Variants in SH3KBP1 observed in about 807,000 individuals in gnomAD.
The protein encoded by SH3KBP1 is SH3 domain containing kinase binding protein 1.
Under a neutral mutation model 50.1 loss-of-function variants are expected in SH3KBP1, and 8 were observed. The observed-to-expected ratio is 0.16, with a 90% CI of 0.09 to 0.29. The LOEUF (loss-of-function observed/expected upper bound fraction) is 0.29, where lower values mean the gene tolerates loss of function less well. Among genes scored for constraint, SH3KBP1 ranks in the 10% least tolerant of loss-of-function variants. The pLI, the probability that SH3KBP1 is intolerant of heterozygous loss-of-function variation, is 1.00. For missense variants in SH3KBP1, 377 were observed against 535.2 expected, an observed-to-expected ratio of 0.70 and a Z score of 2.92; for synonymous variants, 227 against 218.6, an observed-to-expected ratio of 1.04 and a Z score of -0.34.
chrX:19,760,009 G>GTC (rs1210555924), intron 2 of SH3KBP1, among the ~76,000 whole-genome samples: 2 of 55,456 alleles, frequency 3.6e-5, no homozygotes, highest in Non-Finnish European at 6.8e-5. Flanking sequence ...ATCAGTCTCG[G>GTC]TCTCTCTCTC....
chrX:19,773,484 CACACACACAA>C (rs1209113442), intron 2 of SH3KBP1, among the ~76,000 whole-genome samples: 2 of 95,028 alleles, frequency 2.1e-5, no homozygotes, highest in East Asian at 3.0e-4. Flanking sequence ...CTCTCTCTCT[CACACACACAA>C]ACACACACAC....
intron 1 of SH3KBP1, among the ~76,000 whole-genome samples, chrX:19,872,153 G>T (rs2069060426): frequency 9.5e-6 from 1 of 105,520 alleles, no homozygotes; most frequent in African/African-American, 3.5e-5. Context: ...TTAGGAGGCT[G>T]AGGCGGGAGA....
intron 2 of SH3KBP1, among the ~76,000 whole-genome samples, chrX:19,825,381 G>A (rs1310687537): frequency 8.9e-6 from 1 of 111,740 alleles, no homozygotes; most frequent in African/African-American, 3.3e-5. Flanking sequence ...CAATAATGGT[G>A]AGGAGCACAG....
chrX:19,737,083 T>C (rs2064607609), intron 3 of SH3KBP1, among the ~76,000 whole-genome samples: 1 of 110,094 alleles, frequency 9.1e-6, no homozygotes, highest in African/African-American at 3.3e-5. Flanking sequence ...ATTTTTGTAT[T>C]TTTTATAGAG....
intron 8 of SH3KBP1, among the ~76,000 whole-genome samples, chrX:19,623,736 C>T (rs1238919941): frequency 1.8e-5 from 2 of 111,957 alleles, no homozygotes; most frequent in Non-Finnish European, 3.8e-5. Flanking sequence ...TCTCAGAAAC[C>T]GTGTATTTTA....
chrX:19,825,005 A>C (rs1249159333), intron 2 of SH3KBP1, among the ~76,000 whole-genome samples: 2 of 112,336 alleles, frequency 1.8e-5, no homozygotes, highest in Non-Finnish European at 3.7e-5. Flanking sequence ...TAAAGTTTCA[A>C]GAATAATTTG....
chrX:19,815,299 G>A lies in SH3KBP1; in HGVS notation c.162+20826C>T, dbSNP rs1042061127. 1.1e-4 allele frequency among the ~76,000 whole-genome samples: 12 copies of A among 110,961 alleles called. No homozygotes were observed. The East Asian group carries it at 3.4e-3, about 31-fold the overall frequency. On this transcript the variant is annotated intron_variant, in intron 2 of 17. Coordinates refer to ENST00000397821, the MANE Select transcript of SH3KBP1 (RefSeq NM_031892.3). Reference sequence around the variant, plus strand: ...TGTGCTGCCAAGGTTGAGACCCATTGGAGATTTTTTTTAATTTTTATTTTG... The same window carrying A: ...TGTGCTGCCAAGGTTGAGACCCATTAGAGATTTTTTTTAATTTTTATTTTG...
chrX:19,766,277 C>CT, intron 2 of SH3KBP1, among the ~76,000 whole-genome samples: 1 of 109,909 alleles, frequency 9.1e-6, no homozygotes, highest in Non-Finnish European at 1.9e-5. Flanking sequence ...TGTTGAGCAT[C>CT]TTTTCATCTG....
At chrX:19,841,469 C>A (rs898609006) in intron 1 of SH3KBP1, among the ~76,000 whole-genome samples, 3 of 112,573 alleles carry the variant, frequency 2.7e-5, no homozygotes, top group Admixed American at 1.9e-4. Context: ...GGTCTCAGTG[C>A]AGTAAGCTTT....
chrX:19,700,214 A>C lies in SH3KBP1; in HGVS notation c.391-4473T>G, dbSNP rs984524165. ...GTCTAAGGAAAGGCCCACACCTTAA[A>C]GCTGCTAAAATTTTCCTCAAATTTT... On this transcript the variant is annotated intron_variant, in intron 4 of 17. Coordinates refer to ENST00000397821, the MANE Select transcript of SH3KBP1 (RefSeq NM_031892.3). Among the ~76,000 whole-genome samples, 5 of 111,722 alleles carry C rather than the reference A, an allele frequency of 4.5e-5. No individual in the cohort carries two copies. The Admixed American group carries it at 4.8e-4, about 11-fold the overall frequency.
At chrX:19,777,835 A>G (rs1320815381) in intron 2 of SH3KBP1, among the ~76,000 whole-genome samples, 2 of 111,765 alleles carry the variant, frequency 1.8e-5, no homozygotes, top group East Asian at 5.6e-4. Flanking sequence ...GCCCCAGCCC[A>G]GACTATTGAA....
chrX:19,862,030 G>T (rs1157996120), intron 1 of SH3KBP1, among the ~76,000 whole-genome samples: 1 of 111,980 alleles, frequency 8.9e-6, no homozygotes, highest in Non-Finnish European at 1.9e-5. Context: ...GGTAGCCACT[G>T]CTCTGATTGT....
At chrX:19,611,074 T>C (rs941044414) in intron 8 of SH3KBP1, among the ~76,000 whole-genome samples, 1 of 110,152 alleles carries the variant, frequency 9.1e-6, no homozygotes, top group Non-Finnish European at 1.9e-5. Context: ...TTAGTAGAGA[T>C]GGGGTTTCGC....
Position 19,652,148 on chromosome X carries a change from T to C in SH3KBP1, c.727-6673A>G, listed in dbSNP as rs947812394. Among the ~76,000 whole-genome samples, 3 of 110,956 alleles carry C rather than the reference T, an allele frequency of 2.7e-5. No homozygotes were observed. The East Asian group carries it at 8.5e-4, about 31-fold the overall frequency. ...CGCCTCTTAGATTAGAGCCCTACTG[T>C]TTCAATCACTGCCATGTACCAGCTC... On this transcript the variant is annotated intron_variant, in intron 6 of 17. Coordinates refer to ENST00000397821, the MANE Select transcript of SH3KBP1 (RefSeq NM_031892.3).
chrX:19,711,392 C>T (rs2063770889), intron 3 of SH3KBP1, among the ~76,000 whole-genome samples: 1 of 111,746 alleles, frequency 8.9e-6, no homozygotes, highest in African/African-American at 3.3e-5. Context: ...ACTACGGTGT[C>T]ATGACCCAGT....
At chrX:19,731,283 T>C (rs961597959) in intron 3 of SH3KBP1, among the ~76,000 whole-genome samples, 1 of 112,613 alleles carries the variant, frequency 8.9e-6, no homozygotes, top group African/African-American at 3.2e-5. Flanking sequence ...TAAAATCAAA[T>C]ATAGATTAAA....
intron 13 of SH3KBP1, among the ~76,000 whole-genome samples, chrX:19,566,204 GA>G (rs1439255951): frequency 9.0e-6 from 1 of 111,077 alleles, no homozygotes. Flanking sequence ...GTGGCAAAGA[GA>G]GAGAGAAAAC....
chrX:19,790,643 G>GA (rs995746225), intron 2 of SH3KBP1, among the ~76,000 whole-genome samples: 2 of 110,976 alleles, frequency 1.8e-5, no homozygotes, highest in Non-Finnish European at 3.8e-5. Flanking sequence ...AGGACAGTGT[G>GA]AAAAAAAGTC....
chrX:19,569,573 A>G (rs1602503348), intron 12 of SH3KBP1, among the ~76,000 whole-genome samples: 1 of 112,589 alleles, frequency 8.9e-6, no homozygotes, highest in African/African-American at 3.2e-5. Flanking sequence ...AATTTAGCCA[A>G]TGCTGCTTGT....
Sources: allele counts gnomAD v4.1 joint callset (sites outside exome capture counted in the v4.1 genomes callset), GRCh38; gene constraint gnomAD v4.1.1; transcripts MANE v1.5; gene names NCBI Gene and HGNC (gene_info 2026-07-23, HGNC 2026-07-21).